Variants in SPOCK3 observed in about 807,000 individuals in gnomAD.
The protein encoded by SPOCK3 is testican-3.
Under a neutral mutation model 56.6 loss-of-function variants are expected in SPOCK3, and 30 were observed. The observed-to-expected ratio is 0.53, with a 90% CI of 0.40 to 0.72. The LOEUF (loss-of-function observed/expected upper bound fraction) is 0.72. Among genes scored for constraint, SPOCK3 ranks in the 30% least tolerant of loss-of-function variants. The pLI is 0.00. For synonymous variants in SPOCK3, 196 were observed against 183.3 expected, an observed-to-expected ratio of 1.07 and a Z score of -0.56; for missense variants, 527 against 530.0, an observed-to-expected ratio of 0.99 and a Z score of 0.06.
intron 3 of SPOCK3, among the ~76,000 whole-genome samples, chr4:167,061,946 C>T (rs527329632): frequency 3.3e-5 from 5 of 151,912 alleles, no homozygotes; most frequent in South Asian, 2.1e-4. Flanking sequence ...ATTTTCATCC[C>T]TATTTCTTGT....
intron 6 of SPOCK3, among the ~76,000 whole-genome samples, chr4:166,855,454 C>G (rs1730549610): frequency 6.6e-6 from 1 of 152,140 alleles, no homozygotes; most frequent in Non-Finnish European, 1.5e-5. Flanking sequence ...CCTGATTGCT[C>G]TGAAATTTTA....
At chr4:167,116,759 T>A (rs1761433151) in intron 2 of SPOCK3, among the ~76,000 whole-genome samples, 1 of 138,506 alleles carries the variant, frequency 7.2e-6, no homozygotes, top group Non-Finnish European at 1.5e-5. Flanking sequence ...CATATGTATA[T>A]ATACACACAT....
chr4:167,123,812 C>A (rs147449629), intron 2 of SPOCK3, among the ~76,000 whole-genome samples: 1 of 149,492 alleles, frequency 6.7e-6, no homozygotes, highest in East Asian at 2.0e-4. Context: ...GGTGCTATCT[C>A]CACTTGCTGC....
chr4:167,140,779 C>G (rs1763463769), intron 2 of SPOCK3, among the ~76,000 whole-genome samples: 1 of 151,952 alleles, frequency 6.6e-6, no homozygotes, highest in South Asian at 2.1e-4. Context: ...ACGGTCTGTT[C>G]TTTGGGCTTA....
At chr4:167,125,376 G>C (rs60630638) in intron 2 of SPOCK3, among the ~76,000 whole-genome samples, 1 of 149,814 alleles carries the variant, frequency 6.7e-6, no homozygotes, top group East Asian at 1.9e-4. Context: ...TTAGGACTCA[G>C]ATTGCTGAAA....
intron 2 of SPOCK3, among the ~76,000 whole-genome samples, chr4:167,075,856 C>T (rs1292065261): frequency 1.3e-5 from 2 of 151,848 alleles, no homozygotes; most frequent in African/African-American, 4.8e-5. Flanking sequence ...ATGTGTTCTT[C>T]TCTCTTACAT....
At chr4:166,850,650 C>T (rs1157993952) in intron 6 of SPOCK3, among the ~76,000 whole-genome samples, 1 of 152,230 alleles carries the variant, frequency 6.6e-6, no homozygotes, top group Non-Finnish European at 1.5e-5. Flanking sequence ...CATTGCCTCA[C>T]TCGGGAAGCG....
At chr4:166,773,277 T>G (rs1000922594) in intron 7 of SPOCK3, among the ~76,000 whole-genome samples, 2 of 152,200 alleles carry the variant, frequency 1.3e-5, no homozygotes, top group African/African-American at 4.8e-5. Context: ...GAAAATCTTT[T>G]TAAGCAAAAC....
chr4:167,171,315 G>T, intron 2 of SPOCK3, among the ~76,000 whole-genome samples: 1 of 152,128 alleles, frequency 6.6e-6, no homozygotes, highest in East Asian at 1.9e-4. Context: ...TCCAATAAAA[G>T]GTATAAGGTA....
At chr4:166,900,785 G>A (rs1019962833) in intron 5 of SPOCK3, among the ~76,000 whole-genome samples, 2 of 152,110 alleles carry the variant, frequency 1.3e-5, no homozygotes, top group Non-Finnish European at 2.9e-5. Context: ...TAAAGTTTAG[G>A]AGTTGATGGA....
chr4:166,953,166 A>G (rs1742907085), intron 4 of SPOCK3, among the ~76,000 whole-genome samples: 1 of 151,572 alleles, frequency 6.6e-6, no homozygotes, highest in African/African-American at 2.4e-5. Flanking sequence ...AATGGGAGAA[A>G]ATTTTCGCAA....
At chr4:167,155,514 AAAC>A (rs1418950201) in intron 2 of SPOCK3, among the ~76,000 whole-genome samples, 1 of 152,232 alleles carries the variant, frequency 6.6e-6, no homozygotes, top group Non-Finnish European at 1.5e-5. Flanking sequence ...GAAAGAAAGA[AAAC>A]AACACATGAG....
chr4:167,128,619 C>T (rs1045226451), intron 2 of SPOCK3, among the ~76,000 whole-genome samples: 1 of 152,174 alleles, frequency 6.6e-6, no homozygotes, highest in Non-Finnish European at 1.5e-5. Flanking sequence ...TTGGGCCACA[C>T]ATAAAATACA....
rs552625251 is a variant in SPOCK3, at chr4:167,063,861, C to T, written c.190-1324G>A. 3.9e-5 allele frequency among the ~76,000 whole-genome samples: 6 copies of T among 151,938 alleles called. No homozygotes were observed. In the South Asian group the frequency reaches 1.0e-3, roughly 26 times the overall value. Reference sequence around the variant, plus strand: ...GAGGCAAAAGACATAATTTCATTCCCTTTTATGGCTGAATAGTATTTCATT... The same window carrying T: ...GAGGCAAAAGACATAATTTCATTCCTTTTTATGGCTGAATAGTATTTCATT... On this transcript the variant is annotated intron_variant, in intron 2 of 10. Coordinates refer to ENST00000357545, the MANE Select transcript of SPOCK3 (RefSeq NM_001040159.2).
At chr4:166,870,479 G>A (rs1035720630) in intron 6 of SPOCK3, among the ~76,000 whole-genome samples, 5 of 151,532 alleles carry the variant, frequency 3.3e-5, no homozygotes, top group African/African-American at 1.2e-4. Context: ...CAATAAAAAT[G>A]TAATATAATA....
At chr4:166,765,351 A>G (rs1406590729) in intron 7 of SPOCK3, among the ~76,000 whole-genome samples, 1 of 152,274 alleles carries the variant, frequency 6.6e-6, no homozygotes, top group Non-Finnish European at 1.5e-5. Flanking sequence ...TCCATCTTGA[A>G]TTAATTTTTG....
intron 2 of SPOCK3, among the ~76,000 whole-genome samples, chr4:167,193,291 C>A (rs925844777): frequency 6.9e-6 from 1 of 145,046 alleles, no homozygotes; most frequent in Non-Finnish European, 1.5e-5. Flanking sequence ...CATATCTGTT[C>A]GAGGTTTGTG....
chr4:167,062,288 A>T (rs1755685028), intron 3 of SPOCK3, among the ~76,000 whole-genome samples: 1 of 151,850 alleles, frequency 6.6e-6, no homozygotes. Flanking sequence ...AATAAAAGAC[A>T]TCCTGACATA....
intron 7 of SPOCK3, among the ~76,000 whole-genome samples, chr4:166,783,198 A>C (rs1175453136): frequency 6.6e-6 from 1 of 152,142 alleles, no homozygotes; most frequent in Non-Finnish European, 1.5e-5. Flanking sequence ...GTCTCTACTG[A>C]AAATACAAAA....
Sources: gnomAD v4.1 joint callset for allele counts (sites outside exome capture counted in the v4.1 genomes callset) on GRCh38, gnomAD v4.1.1 for gene constraint, MANE v1.5 for transcripts, NCBI Gene and HGNC (gene_info 2026-07-23, HGNC 2026-07-21) for gene names.